Variants in HOTAIR observed in about 807,000 individuals in gnomAD.
The protein encoded by HOTAIR is HOX transcript antisense RNA, also known as HOX transcript antisense RNA (non-protein coding).
intron 5 of HOTAIR, among the ~76,000 whole-genome samples, chr12:53,964,863 T>C (rs1343068327): frequency 6.6e-6 from 1 of 152,200 alleles, no homozygotes; most frequent in Admixed American, 6.5e-5. Flanking sequence ...GAGATCGAGT[T>C]TGAATGCCCC....
At chr12:53,969,751 A>G (rs1013473202) in intron 1 of HOTAIR, among the ~76,000 whole-genome samples, 1 of 152,184 alleles carries the variant, frequency 6.6e-6, no homozygotes, top group Non-Finnish European at 1.5e-5. Flanking sequence ...TTATCTTTTT[A>G]TTGACTCCAC....
intron 1 of HOTAIR, among the ~76,000 whole-genome samples, chr12:53,969,914 A>G (rs1939120143): frequency 1.3e-5 from 2 of 152,234 alleles, no homozygotes; most frequent in South Asian, 4.1e-4. Context: ...GGAGGTAGAC[A>G]AGCTAACAGG....
chr12:53,973,726 G>A lies in HOTAIR; in HGVS notation n.59+1172C>T. On this transcript the variant is annotated intron_variant and non_coding_transcript_variant, in intron 1 of 6. Coordinates refer to ENST00000424518, the Ensembl canonical transcript of HOTAIR. The surrounding 1 kb of genome is among the most constrained non-coding windows in gnomAD (Gnocchi z 4.3). ...TTCTTCGACAACGCCTACTGCGGTGGCGGCGACCCGCCCGCCGAGCCCCCC... is the reference window on the plus strand; with the variant it reads ...TTCTTCGACAACGCCTACTGCGGTGACGGCGACCCGCCCGCCGAGCCCCCC... 1 of 1,612,200 alleles carries A rather than the reference G, an allele frequency of 6.2e-7. No homozygotes were observed. The highest frequency in any genetic ancestry group is 1.1e-5 in the South Asian group (1 of 91,080).
intron 1 of HOTAIR, among the ~76,000 whole-genome samples, chr12:53,974,110 T>A (rs1338957563): frequency 6.6e-6 from 1 of 150,696 alleles, no homozygotes; most frequent in African/African-American, 2.4e-5. Context: ...TCCCAACGAC[T>A]CGACTTTTTA....
chr12:53,973,935 C>T lies in HOTAIR; in HGVS notation n.59+963G>A, dbSNP rs1206763707. 2.1e-6 allele frequency: 3 copies of T among 1,428,618 alleles called. No individual in the cohort carries two copies. The highest frequency in any genetic ancestry group is 2.6e-5 in the East Asian group (1 of 38,038). The allele number at this position is 1,428,618 out of a possible 1,614,324, so 88.5% of individuals were successfully genotyped here. A position where few individuals can be genotyped will look rare whatever the true frequency, so the allele number is the denominator to read the frequency against. On this transcript the variant is annotated intron_variant and non_coding_transcript_variant, in intron 1 of 6. Coordinates refer to ENST00000424518, the Ensembl canonical transcript of HOTAIR. This position sits in a 1 kb window ranked among gnomAD's most constrained non-coding sequence, Gnocchi z 4.3. The stretch of plus-strand genomic sequence containing the variant: ...AGGAGCCGCCCCCAGTAGGTAGCAG[C>T]GGCCGGGGAACGGGCGGGCAGCGAG...
Position 53,970,124 on chromosome 12 carries a change from G to A in HOTAIR, n.60-1368C>T, listed in dbSNP as rs543586734. ...GCTAGCAGCCAGGCTGGCTGATGGC[G>A]CTGACTGAGGACACCAAGAGCCAGT... On this transcript the variant is annotated intron_variant and non_coding_transcript_variant, in intron 1 of 6. Coordinates refer to ENST00000424518, the Ensembl canonical transcript of HOTAIR. Among the ~76,000 whole-genome samples, 11 of 152,370 alleles carry A rather than the reference G, an allele frequency of 7.2e-5. No individual in the cohort carries two copies. The South Asian group carries it at 2.3e-3, about 32-fold the overall frequency.
At chr12:53,970,742 T>C (rs1939135589) in intron 1 of HOTAIR, among the ~76,000 whole-genome samples, 1 of 152,194 alleles carries the variant, frequency 6.6e-6, no homozygotes, top group African/African-American at 2.4e-5. Flanking sequence ...CTCACTTTTA[T>C]GGTGGCCCAG....
chr12:53,963,347 C>G (rs1287504215), exon 7 of HOTAIR: 1 of 152,256 alleles, frequency 6.6e-6, no homozygotes, highest in Admixed American at 6.5e-5. Context: ...ACACTCCCAA[C>G]CCCTTTGGGG....
At chr12:53,971,973 G>T (rs966079884) in intron 1 of HOTAIR, among the ~76,000 whole-genome samples, 2 of 152,204 alleles carry the variant, frequency 1.3e-5, no homozygotes, top group African/African-American at 2.4e-5. Flanking sequence ...ACAGAGGCTG[G>T]GGGCTTTGAC....
Position 53,973,856 on chromosome 12 carries a change from C to A in HOTAIR, n.59+1042G>T. Reference sequence around the variant, plus strand: ...CCGAGGCGGAGGCTGAGGAGGAGAACACAAATCCCAGCTCGTCCGGTTCAG... The same window carrying A: ...CCGAGGCGGAGGCTGAGGAGGAGAAAACAAATCCCAGCTCGTCCGGTTCAG... On this transcript the variant is annotated intron_variant and non_coding_transcript_variant, in intron 1 of 6. Transcript: ENST00000424518. The surrounding 1 kb of genome is among the most constrained non-coding windows in gnomAD (Gnocchi z 4.3). 6.8e-7 allele frequency: 1 copy of A among 1,480,016 alleles called. No homozygotes were observed. The highest frequency in any genetic ancestry group is 8.9e-7 in the Non-Finnish European group (1 of 1,119,162). 91.7% of individuals were successfully genotyped at this position (1,480,016 alleles called of 1,614,324 possible).
chr12:53,963,633 T>C (rs1369502915), exon 7 of HOTAIR: 1 of 152,298 alleles, frequency 6.6e-6, no homozygotes, highest in East Asian at 1.9e-4. Context: ...GCGGCTGAGA[T>C]AGAGGTGCTT....
At chr12:53,969,906 A>C (rs987082098) in intron 1 of HOTAIR, among the ~76,000 whole-genome samples, 2 of 152,216 alleles carry the variant, frequency 1.3e-5, no homozygotes, top group African/African-American at 4.8e-5. Context: ...GCAGTGGAGG[A>C]GGTAGACAAG....
At chr12:53,965,574 C>T (rs573219001) in intron 5 of HOTAIR, among the ~76,000 whole-genome samples, 4 of 152,150 alleles carry the variant, frequency 2.6e-5, no homozygotes, top group South Asian at 2.1e-4. Flanking sequence ...TTGTTGTTTC[C>T]GGGATTTGAG....
At position 53,973,310 on chromosome 12, in the gene HOTAIR, C is replaced by T. The variant is rs1272910583; in HGVS notation, n.59+1588G>A. The T allele has an allele frequency of 6.2e-7, 1 of 1,614,014 alleles. No individual in the cohort carries two copies. The highest frequency in any genetic ancestry group is 1.1e-5 in the South Asian group (1 of 91,082). The stretch of plus-strand genomic sequence containing the variant: ...GCAAGGAGAGGGGCGCAGATTTCGG[C>T]GAGCGAGGGAGCTGCGCCTCCAACC... On this transcript the variant is annotated intron_variant and non_coding_transcript_variant, in intron 1 of 6. Transcript: ENST00000424518. The surrounding 1 kb of genome is among the most constrained non-coding windows in gnomAD (Gnocchi z 4.3).
At chr12:53,966,851 C>T (rs1480780791) in intron 3 of HOTAIR, among the ~76,000 whole-genome samples, 1 of 152,210 alleles carries the variant, frequency 6.6e-6, no homozygotes, top group African/African-American at 2.4e-5. Context: ...GAAAGAGCCC[C>T]GTATCCGCCG....
At position 53,962,905 on chromosome 12, in the gene HOTAIR, A is replaced by G. The variant is rs142098625; in HGVS notation, n.1824T>C. ...ATAATCACTCCTGTATGGAACAAGC[A>G]TTATATAATTAGGTTACCCATGTGT... On this transcript the variant is annotated non_coding_transcript_exon_variant, in exon 7 of 7. Coordinates refer to ENST00000424518, the Ensembl canonical transcript of HOTAIR. 5.2e-3 allele frequency: 798 copies of G among 152,320 alleles called. 10 individuals are homozygous for G. Among genetic ancestry groups the G allele is most frequent in the African/African-American group, 0.018 (761 of 41,560 alleles). 9.4% of individuals were successfully genotyped at this position (152,320 alleles called of 1,614,324 possible).
chr12:53,973,773 A>G lies in HOTAIR; in HGVS notation n.59+1125T>C, dbSNP rs775409729. The G allele has an allele frequency of 6.2e-7, 1 of 1,609,458 alleles. No individual in the cohort carries two copies. Among genetic ancestry groups the G allele is most frequent in the South Asian group, 1.1e-5 (1 of 90,880 alleles). The stretch of plus-strand genomic sequence containing the variant: ...CCCCTGCTCCGGCAAGGGCGAGGCC[A>G]AGGGGGAGCCCGAGGCACCCCCGGC... On this transcript the variant is annotated intron_variant and non_coding_transcript_variant, in intron 1 of 6. Coordinates refer to ENST00000424518, the Ensembl canonical transcript of HOTAIR. The surrounding 1 kb of genome is among the most constrained non-coding windows in gnomAD (Gnocchi z 4.3).
Position 53,973,703 on chromosome 12 carries a change from C to T in HOTAIR, n.59+1195G>A. ...TCCTGCCTCAAGCCTTCGACCGTTT[C>T]TTCGACAACGCCTACTGCGGTGGCG... is the stretch of plus-strand genomic sequence containing the variant. On this transcript the variant is annotated intron_variant and non_coding_transcript_variant, in intron 1 of 6. Transcript: ENST00000424518. The surrounding 1 kb of genome is among the most constrained non-coding windows in gnomAD (Gnocchi z 4.3). 1 of 1,613,648 alleles carries T rather than the reference C, an allele frequency of 6.2e-7. No individual in the cohort carries two copies.
At chr12:53,966,308 C>T (rs987576454) in exon 4 of HOTAIR, 3 of 152,224 alleles carry the variant, frequency 2.0e-5, no homozygotes, top group African/African-American at 7.2e-5. Flanking sequence ...TGGGCTCCCT[C>T]TCTCCACTCC....
Sources: gnomAD v4.1 joint callset for allele counts (sites outside exome capture counted in the v4.1 genomes callset) on GRCh38, gnomAD v4.1.1 for gene constraint, Gnocchi (gnomAD v3.1) non-coding constraint, MANE v1.5 for transcripts, NCBI Gene and HGNC (gene_info 2026-07-23, HGNC 2026-07-21) for gene names.